Variants in PELI2 observed in about 807,000 individuals in gnomAD.
PELI2 encodes the protein E3 ubiquitin-protein ligase pellino homolog 2.
PELI2 carries 23 observed loss-of-function variants against 42.3 expected under a neutral mutation model. The observed-to-expected ratio is 0.54, with a 90% CI of 0.39 to 0.77. The LOEUF (loss-of-function observed/expected upper bound fraction) is 0.77, where lower values mean the gene tolerates loss of function less well. Among genes scored for constraint, PELI2 ranks in the 30% least tolerant of loss-of-function variants. PELI2 has a pLI of 0.00. For synonymous variants in PELI2, 245 were observed against 212.2 expected (o/e 1.15, Z -1.34); for missense variants, 463 against 553.2 (o/e 0.84, Z 1.64).
At chr14:56,194,768 G>C (rs916961701) in intron 2 of PELI2, among the ~76,000 whole-genome samples, 9 of 152,112 alleles carry the variant, frequency 5.9e-5, no homozygotes, top group African/African-American at 2.2e-4. Context: ...GTCTTTCACA[G>C]AATGCCCCCC....
In PELI2 at chr14:56,207,008, G is replaced by T. The variant is rs1052669166; in HGVS notation, c.207+28544G>T. ...TTCTTAGTTTTCAGTGATTACATGG[G>T]TATTCAATTGTAATTCTGCAGAGAA... On this transcript the variant is annotated intron_variant, in intron 2 of 5. Transcript: ENST00000267460. Among the ~76,000 whole-genome samples the T allele has an allele frequency of 3.9e-5, 6 of 152,132 alleles. No individual in the cohort carries two copies. The East Asian group carries it at 9.6e-4, about 24-fold the overall frequency.
chr14:56,198,010 A>ACACACACACACC (rs772024884), intron 2 of PELI2, among the ~76,000 whole-genome samples: 26 of 114,706 alleles, frequency 2.3e-4, no homozygotes, highest in African/African-American at 7.1e-4. Context: ...ACACACACAC[A>ACACACACACACC]CACCCACCTC....
chr14:56,239,954 A>G (rs1859824986), intron 2 of PELI2, among the ~76,000 whole-genome samples: 1 of 152,198 alleles, frequency 6.6e-6, no homozygotes, highest in Non-Finnish European at 1.5e-5. Flanking sequence ...AGCAGAAAAG[A>G]GTAGGATTTG....
intron 2 of PELI2, among the ~76,000 whole-genome samples, chr14:56,252,761 C>G (rs1888390857): frequency 6.6e-6 from 1 of 152,148 alleles, no homozygotes. Flanking sequence ...GATTCACAGC[C>G]AAATTCTACC....
At chr14:56,214,621 G>C (rs1275370529) in intron 2 of PELI2, among the ~76,000 whole-genome samples, 1 of 152,172 alleles carries the variant, frequency 6.6e-6, no homozygotes, top group African/African-American at 2.4e-5. Context: ...AGCTTCTGCT[G>C]TATGTCAGGG....
At chr14:56,142,864 T>A (rs1883968075) in intron 1 of PELI2, among the ~76,000 whole-genome samples, 1 of 152,200 alleles carries the variant, frequency 6.6e-6, no homozygotes, top group Non-Finnish European at 1.5e-5. Context: ...TTTCTTTGCT[T>A]TTCATTTTGA....
intron 2 of PELI2, among the ~76,000 whole-genome samples, chr14:56,196,275 C>T (rs551621220): frequency 3.3e-5 from 5 of 152,114 alleles, no homozygotes; most frequent in African/African-American, 4.8e-5. Flanking sequence ...AGGGGTTTTT[C>T]GGTGAAATTG....
chr14:56,228,237 T>C (rs919454808), intron 2 of PELI2, among the ~76,000 whole-genome samples: 1 of 152,226 alleles, frequency 6.6e-6, no homozygotes, highest in Admixed American at 6.5e-5. Context: ...CATTATTATT[T>C]GAAGTCAGCC....
chr14:56,155,941 T>C (rs182436782), intron 1 of PELI2, among the ~76,000 whole-genome samples: 1 of 152,294 alleles, frequency 6.6e-6, no homozygotes, highest in African/African-American at 2.4e-5. Flanking sequence ...TGCCTTCTTT[T>C]TCAGCAATTA....
chr14:56,166,126 GTA>G (rs1403478265), intron 1 of PELI2, among the ~76,000 whole-genome samples: 3 of 151,828 alleles, frequency 2.0e-5, no homozygotes, highest in Non-Finnish European at 4.4e-5. Flanking sequence ...CTTGCTTTTT[GTA>G]TATCTGTTGT....
At chr14:56,262,406 G>A (rs1170269341) in intron 2 of PELI2, among the ~76,000 whole-genome samples, 1 of 152,018 alleles carries the variant, frequency 6.6e-6, no homozygotes, top group Non-Finnish European at 1.5e-5. Context: ...GACTTTTCCT[G>A]TTGATTGTTT....
chr14:56,145,589 C>T (rs1435999536), intron 1 of PELI2, among the ~76,000 whole-genome samples: 1 of 152,172 alleles, frequency 6.6e-6, no homozygotes, highest in Non-Finnish European at 1.5e-5. Flanking sequence ...GATAACTCCC[C>T]ATAGTTTAAA....
intron 2 of PELI2, among the ~76,000 whole-genome samples, chr14:56,253,673 A>G (rs181231405): frequency 3.5e-4 from 53 of 152,342 alleles, no homozygotes; most frequent in Admixed American, 1.4e-3. Flanking sequence ...AAGGAGAACT[A>G]CAAACCACTG....
At chr14:56,296,494 C>T (rs371917108) in intron 5 of PELI2, 106 bp from the exon 6 acceptor site, 10 of 744,986 alleles carry the variant, frequency 1.3e-5, no homozygotes, top group African/African-American at 5.3e-5. Context: ...AAATTGCTTC[C>T]CTGTGTTATC....
intron 2 of PELI2, among the ~76,000 whole-genome samples, chr14:56,185,072 G>C (rs1452825375): frequency 6.6e-6 from 1 of 151,944 alleles, no homozygotes; most frequent in Admixed American, 6.5e-5. Flanking sequence ...TTATTAAAAG[G>C]CTGGTTGTTA....
Position 56,154,545 on chromosome 14 carries a change from G to A in PELI2, c.78-23790G>A, listed in dbSNP as rs571604420. Among the ~76,000 whole-genome samples the A allele has an allele frequency of 5.3e-5, 8 of 152,308 alleles. No individual in the cohort carries two copies. The South Asian group carries it at 1.0e-3, about 20-fold the overall frequency. ...TTGCTTCCCTTTTGCCTTCAGCAAC[G>A]ATCGTTAGTTTCCTGAGGCCTCCTA... On this transcript the variant is annotated intron_variant, in intron 1 of 5. Coordinates refer to ENST00000267460, the MANE Select transcript of PELI2 (RefSeq NM_021255.3).
chr14:56,267,659 G>A lies in PELI2; in HGVS notation c.208-12017G>A, dbSNP rs115763049. On this transcript the variant is annotated intron_variant, in intron 2 of 5. Transcript: ENST00000267460. ...CATGGTTCTGTATAACTAGAATGTG[G>A]CCTTATTGATCTGGTTTTATTCCAT... Among the ~76,000 whole-genome samples, 1,091 of 152,142 alleles carry A rather than the reference G, an allele frequency of 7.2e-3. 13 individuals are homozygous for A. Among genetic ancestry groups the A allele is most frequent in the African/African-American group, 0.025 (1,052 of 41,518 alleles).
chr14:56,229,143 T>C (rs1255292272), intron 2 of PELI2, among the ~76,000 whole-genome samples: 1 of 152,222 alleles, frequency 6.6e-6, no homozygotes, highest in Non-Finnish European at 1.5e-5. Flanking sequence ...CCTGCCTGTC[T>C]CTGTAGACTC....
chr14:56,175,276 A>C (rs1482569658), intron 1 of PELI2, among the ~76,000 whole-genome samples: 3 of 152,202 alleles, frequency 2.0e-5, no homozygotes, highest in Non-Finnish European at 4.4e-5. Flanking sequence ...AATTACAGGC[A>C]TGAGCCAACG....
Sources: allele counts gnomAD v4.1 joint callset (sites outside exome capture counted in the v4.1 genomes callset), GRCh38; gene constraint gnomAD v4.1.1; transcripts MANE v1.5; gene names NCBI Gene and HGNC (gene_info 2026-07-23, HGNC 2026-07-21).